Variants in PIP4P2 observed in about 807,000 individuals in gnomAD.
PIP4P2 encodes the protein phosphatidylinositol-4,5-bisphosphate 4-phosphatase 2, also known as type 2 phosphatidylinositol 4,5-bisphosphate 4-phosphatase.
PIP4P2 carries 19 observed loss-of-function variants against 33.3 expected under a neutral mutation model. That is an observed-to-expected ratio of 0.57 (90% CI 0.40 to 0.84). PIP4P2 has a LOEUF of 0.84. Among genes scored for constraint, PIP4P2 ranks in the 40% least tolerant of loss-of-function variants. The probability of loss-of-function intolerance (pLI) is 0.00; values close to 1 mark genes in which losing one functional copy is unlikely to be tolerated. For missense variants in PIP4P2, 270 were observed against 324.7 expected, an observed-to-expected ratio of 0.83 and a Z score of 1.29; for synonymous variants, 110 against 111.9, an observed-to-expected ratio of 0.98 and a Z score of 0.11.
intron 5 of PIP4P2, 84 bp downstream of exon 5, chr8:91,008,659 A>C: frequency 3.8e-6 from 5 of 1,330,592 alleles, no homozygotes; most frequent in Non-Finnish European, 5.4e-6. Flanking sequence ...TTTTAAAATC[A>C]AAATCTACTT....
At chr8:91,003,519 G>A (rs1187188924) in intron 5 of PIP4P2, among the ~76,000 whole-genome samples, 12 of 151,908 alleles carry the variant, frequency 7.9e-5, no homozygotes. Flanking sequence ...TAATGTAGGG[G>A]GTGAAAAAGA....
At chr8:91,017,014 A>C (rs2130365921) in intron 4 of PIP4P2, among the ~76,000 whole-genome samples, 1 of 152,332 alleles carries the variant, frequency 6.6e-6, no homozygotes, top group African/African-American at 2.4e-5. Context: ...TAATCATAAA[A>C]ATTGTAAACA....
In PIP4P2 at chr8:91,040,770, C is replaced by T; in HGVS notation, c.-21G>A. ...GCCATGACTGCGGCAGCGGCGGGGC[C>T]TGGGGAGGCCGAGCCGGGGTTGCGG... On this transcript the variant is annotated 5_prime_UTR_variant, in exon 1 of 7. Transcript: ENST00000285419. The T allele has an allele frequency of 6.2e-7, 1 of 1,609,176 alleles. No individual in the cohort carries two copies. Among genetic ancestry groups the T allele is most frequent in the African/African-American group, 1.3e-5 (1 of 74,884 alleles).
intron 1 of PIP4P2, among the ~76,000 whole-genome samples, chr8:91,030,905 G>T (rs1490514743): frequency 6.6e-6 from 1 of 151,924 alleles, no homozygotes; most frequent in African/African-American, 2.4e-5. Flanking sequence ...GGCTTATTAT[G>T]GTGGTTTTAC....
At chr8:91,037,331 C>G (rs1812245197) in intron 1 of PIP4P2, among the ~76,000 whole-genome samples, 1 of 152,202 alleles carries the variant, frequency 6.6e-6, no homozygotes, top group South Asian at 2.1e-4. Context: ...ATACTCCACC[C>G]TGCTGATCAC....
chr8:91,015,864 G>A (rs1811908841), intron 4 of PIP4P2, among the ~76,000 whole-genome samples: 1 of 152,202 alleles, frequency 6.6e-6, no homozygotes, highest in Non-Finnish European at 1.5e-5. Context: ...GAAGTAACTT[G>A]TGGAATGCTG....
chr8:90,997,323 A>G (rs1201393131), intron 5 of PIP4P2, among the ~76,000 whole-genome samples: 2 of 152,128 alleles, frequency 1.3e-5, no homozygotes, highest in Non-Finnish European at 2.9e-5. Context: ...ATGGATGAAT[A>G]TAACATAATT....
rs563561123 is a variant in PIP4P2 at position 90,994,044 on chromosome 8, T to A, written c.*1633A>T. 13 of 152,202 alleles carry A rather than the reference T, an allele frequency of 8.5e-5. No individual in the cohort carries two copies. Among genetic ancestry groups the A allele is most frequent in the Admixed American group, 4.6e-4 (7 of 15,280 alleles). 9.4% of individuals were successfully genotyped at this position (152,202 alleles called of 1,614,324 possible). A position where few individuals can be genotyped will look rare whatever the true frequency, so the allele number is the denominator to read the frequency against. On this transcript the variant is annotated 3_prime_UTR_variant, in exon 7 of 7. Coordinates refer to ENST00000285419, the MANE Select transcript of PIP4P2 (RefSeq NM_018710.3). ...CAGTATACAATGCTGTTACAACTAG[T>A]TAACCATTAGGAAAAGAAGTAAGAT...
chr8:91,022,811 G>A (rs1294385182), intron 1 of PIP4P2, among the ~76,000 whole-genome samples: 2 of 151,990 alleles, frequency 1.3e-5, no homozygotes, highest in African/African-American at 2.4e-5. Context: ...AGTGGTATTC[G>A]TTCAAATGAT....
intron 4 of PIP4P2, among the ~76,000 whole-genome samples, chr8:91,010,611 G>A (rs1811821389): frequency 6.6e-6 from 1 of 151,798 alleles, no homozygotes; most frequent in East Asian, 1.9e-4. Context: ...CTTAAACGGA[G>A]CAAACTAATA....
intron 1 of PIP4P2, among the ~76,000 whole-genome samples, chr8:91,030,854 C>A (rs944964389): frequency 6.6e-6 from 1 of 152,060 alleles, no homozygotes; most frequent in Admixed American, 6.6e-5. Context: ...TTAATAATTT[C>A]TTTTCCAGCA....
intron 4 of PIP4P2, among the ~76,000 whole-genome samples, chr8:91,016,288 T>A (rs1359466592): frequency 2.7e-5 from 4 of 150,356 alleles, no homozygotes; most frequent in African/African-American, 1.0e-4. Context: ...CTAAATAATA[T>A]GAAAAAACAA....
intron 1 of PIP4P2, among the ~76,000 whole-genome samples, chr8:91,023,463 G>T (rs1812040041): frequency 6.6e-6 from 1 of 151,716 alleles, no homozygotes; most frequent in Non-Finnish European, 1.5e-5. Flanking sequence ...AATCTCCTAA[G>T]AAAATTTCAG....
intron 1 of PIP4P2, among the ~76,000 whole-genome samples, chr8:91,031,393 T>C (rs1812162579): frequency 6.6e-6 from 1 of 152,232 alleles, no homozygotes; most frequent in Non-Finnish European, 1.5e-5. Flanking sequence ...TCCTCTGGAT[T>C]GTCAGTCTTA....
At chr8:91,007,406 T>A (rs1186161841) in intron 5 of PIP4P2, among the ~76,000 whole-genome samples, 5 of 152,226 alleles carry the variant, frequency 3.3e-5, no homozygotes, top group Non-Finnish European at 7.3e-5. Context: ...AATTACTTTC[T>A]CCTATAAACC....
chr8:91,031,259 T>A (rs1812159203), intron 1 of PIP4P2, among the ~76,000 whole-genome samples: 1 of 152,248 alleles, frequency 6.6e-6, no homozygotes, highest in African/African-American at 2.4e-5. Context: ...AATAACTTTA[T>A]ATTAGTTTGT....
chr8:91,000,808 A>T (rs1203144646), intron 5 of PIP4P2, among the ~76,000 whole-genome samples: 3 of 151,982 alleles, frequency 2.0e-5, no homozygotes, highest in Non-Finnish European at 4.4e-5. Flanking sequence ...ATTTGAGATT[A>T]TCTCCTAAAA....
At chr8:91,014,855 G>A (rs1390835321) in intron 4 of PIP4P2, among the ~76,000 whole-genome samples, 1 of 150,826 alleles carries the variant, frequency 6.6e-6, no homozygotes, top group East Asian at 1.9e-4. Context: ...TCATTTCACA[G>A]TATAGACGTA....
Position 91,020,185 on chromosome 8 carries a change from G to A in PIP4P2, c.334C>T (p.Arg112Trp), listed in dbSNP as rs1255002145. 9 of 1,613,698 alleles carry A rather than the reference G, an allele frequency of 5.6e-6. No homozygotes were observed. The highest frequency in any genetic ancestry group is 1.1e-5 in the South Asian group (1 of 91,066). The change falls in exon 3 of 7, where the codon CGG (arginine) becomes TGG (tryptophan). Residue 112 changes from arginine (R) to tryptophan (W), a missense_variant. By Grantham distance (101) the Arg-to-Trp change is moderately radical (BLOSUM62 -3). Coordinates refer to ENST00000285419, the MANE Select transcript of PIP4P2 (RefSeq NM_018710.3). ...NCLLICKDTS[R>W]RIGCPRPNCR... ...TTGGGTCTTGGGCATCCTATTCGCC[G>A]AGATGTGTCCTTACAAATGAGAAGA...
Sources: allele counts gnomAD v4.1 joint callset (sites outside exome capture counted in the v4.1 genomes callset), GRCh38; gene constraint gnomAD v4.1.1; transcripts MANE v1.5; gene names NCBI Gene and HGNC (gene_info 2026-07-23, HGNC 2026-07-21).